The following SORCS1 variants were observed in gnomAD, a reference collection of about 807,000 sequenced individuals.
SORCS1 encodes sortilin related VPS10 domain containing receptor 1.
SORCS1 carries 60 observed loss-of-function variants against 146.1 expected under a neutral mutation model. The ratio of observed to expected loss-of-function variants is 0.41; its 90% CI spans 0.33 to 0.51. SORCS1 has a LOEUF of 0.51. Among genes scored for constraint, SORCS1 ranks in the 20% least tolerant of loss-of-function variants. The pLI is 0.21. For missense variants in SORCS1, 1,352 were observed against 1,487.6 expected (o/e 0.91, Z 1.50); for synonymous variants, 637 against 584.0 (o/e 1.09, Z -1.31).
chr10:106,821,350 T>C (rs1196449839), intron 3 of SORCS1, among the ~76,000 whole-genome samples: 2 of 152,240 alleles, frequency 1.3e-5, no homozygotes, highest in Non-Finnish European at 2.9e-5. Context: ...AAGAGATTTA[T>C]AGGTGGACCT....
At chr10:107,128,808 C>T (rs1966841074) in intron 1 of SORCS1, among the ~76,000 whole-genome samples, 1 of 152,128 alleles carries the variant, frequency 6.6e-6, no homozygotes, top group Non-Finnish European at 1.5e-5. Context: ...GGCATTTCTC[C>T]CCACTGCCCT....
intron 1 of SORCS1, among the ~76,000 whole-genome samples, chr10:106,993,560 T>C (rs12247285): frequency 0.049 from 7,390 of 152,222 alleles, 556 homozygotes; most frequent in African/African-American, 0.16. Context: ...ACTTATTTTC[T>C]TAAAGCTAAA....
chr10:107,024,782 T>C (rs763357615), intron 1 of SORCS1, among the ~76,000 whole-genome samples: 16 of 152,156 alleles, frequency 1.1e-4, no homozygotes, highest in Non-Finnish European at 2.1e-4. Flanking sequence ...TATCACTACA[T>C]TGGTAATTTT....
At chr10:106,730,500 C>G (rs1449490572) in intron 5 of SORCS1, among the ~76,000 whole-genome samples, 1 of 152,158 alleles carries the variant, frequency 6.6e-6, no homozygotes, top group Non-Finnish European at 1.5e-5. Context: ...ATTCCCATAG[C>G]ACACTGATCT....
rs115553401 is a variant in SORCS1, at chr10:107,078,150, T to C, written c.558+85819A>G. ...GTACAACATTAAATACTGTGTAAAA[T>C]ACTTTGGGACAGTGGGTCTATTTTC... On this transcript the variant is annotated intron_variant, in intron 1 of 25. Coordinates refer to ENST00000263054, the MANE Select transcript of SORCS1 (RefSeq NM_052918.5). Among the ~76,000 whole-genome samples the C allele has an allele frequency of 5.6e-3, 851 of 152,282 alleles. 4 individuals are homozygous for C. The highest frequency in any genetic ancestry group is 0.02 in the African/African-American group (818 of 41,564).
At chr10:106,898,034 G>A (rs1472684715) in intron 2 of SORCS1, among the ~76,000 whole-genome samples, 1 of 152,224 alleles carries the variant, frequency 6.6e-6, no homozygotes, top group Non-Finnish European at 1.5e-5. Context: ...AAAACAGCCA[G>A]AGTGGATTGT....
At chr10:107,088,012 G>A (rs560124908) in intron 1 of SORCS1, among the ~76,000 whole-genome samples, 2 of 152,236 alleles carry the variant, frequency 1.3e-5, no homozygotes, top group African/African-American at 2.4e-5. Flanking sequence ...TCCGCCTCCC[G>A]GGTTCACGCC....
At chr10:107,078,505 T>C (rs1466691994) in intron 1 of SORCS1, among the ~76,000 whole-genome samples, 1 of 152,210 alleles carries the variant, frequency 6.6e-6, no homozygotes. Flanking sequence ...CAGGCTGAAG[T>C]ATTCTCTGGT....
At chr10:106,609,546 G>A (rs1278350611) in intron 22 of SORCS1, among the ~76,000 whole-genome samples, 1 of 152,192 alleles carries the variant, frequency 6.6e-6, no homozygotes, top group Non-Finnish European at 1.5e-5. Flanking sequence ...TGATCTCAAA[G>A]TCAGTGCAAA....
intron 4 of SORCS1, among the ~76,000 whole-genome samples, chr10:106,772,495 C>T (rs1192237721): frequency 1.3e-5 from 2 of 151,426 alleles, no homozygotes; most frequent in Non-Finnish European, 2.9e-5. Context: ...TCTCTCCCCT[C>T]CTCTCTCTCT....
At position 107,134,911 on chromosome 10, in the gene SORCS1, G is replaced by C. The variant is rs143452416; in HGVS notation, c.558+29058C>G. ...TGTGATAAGAAACACACAAGGAAGAGATTTGGAAAGGAGAAAAAGGTGCTG... is the reference window on the plus strand; with the variant it reads ...TGTGATAAGAAACACACAAGGAAGACATTTGGAAAGGAGAAAAAGGTGCTG... On this transcript the variant is annotated intron_variant, in intron 1 of 25. Coordinates refer to ENST00000263054, the MANE Select transcript of SORCS1 (RefSeq NM_052918.5). Among the ~76,000 whole-genome samples, 20 of 152,332 alleles carry C rather than the reference G, an allele frequency of 1.3e-4. No homozygotes were observed. In the East Asian group the frequency reaches 1.7e-3, roughly 13 times the overall value.
At chr10:106,772,866 C>G (rs945598) in intron 4 of SORCS1, among the ~76,000 whole-genome samples, 5,300 of 152,132 alleles carry the variant, frequency 0.035, 201 homozygotes, top group East Asian at 0.11. Flanking sequence ...AGCTCATATA[C>G]GGTCTATCCT....
intron 4 of SORCS1, among the ~76,000 whole-genome samples, chr10:106,769,165 C>T (rs1394746414): frequency 6.6e-6 from 1 of 152,110 alleles, no homozygotes; most frequent in Non-Finnish European, 1.5e-5. Flanking sequence ...AAGTATTGCC[C>T]TTCTGTGAAG....
chr10:107,131,799 T>C (rs1011695855), intron 1 of SORCS1, among the ~76,000 whole-genome samples: 4 of 152,204 alleles, frequency 2.6e-5, no homozygotes, highest in African/African-American at 9.6e-5. Flanking sequence ...ATGAAAATCC[T>C]CTGTGACAAA....
chr10:106,611,095 A>G (rs1360155038), intron 22 of SORCS1, among the ~76,000 whole-genome samples: 1 of 152,152 alleles, frequency 6.6e-6, no homozygotes, highest in Non-Finnish European at 1.5e-5. Context: ...AGAAAAAAAA[A>G]AAGTAGAACA....
At chr10:107,169,379 TC>T (rs1404142917), upstream of SORCS1, among the ~76,000 whole-genome samples, 2 of 152,182 alleles carry the variant, frequency 1.3e-5, no homozygotes, top group Non-Finnish European at 2.9e-5. Flanking sequence ...TTAAAATCTG[TC>T]CCTTAAAATA....
At chr10:106,903,989 G>A (rs1951819034) in intron 2 of SORCS1, among the ~76,000 whole-genome samples, 2 of 152,260 alleles carry the variant, frequency 1.3e-5, no homozygotes, top group South Asian at 4.1e-4. Flanking sequence ...TTAGAATCCA[G>A]CAATCAGAAC....
chr10:106,935,495 A>C (rs1953667538), intron 2 of SORCS1, among the ~76,000 whole-genome samples: 1 of 152,198 alleles, frequency 6.6e-6, no homozygotes, highest in African/African-American at 2.4e-5. Context: ...GTTATAATGG[A>C]TACATTTTTT....
intron 18 of SORCS1, among the ~76,000 whole-genome samples, chr10:106,639,204 G>A (rs115915759): frequency 8.9e-4 from 135 of 152,306 alleles, no homozygotes; most frequent in African/African-American, 3.0e-3. Flanking sequence ...TCACTCAGGC[G>A]AGGATTGCAT....
Sources: allele counts gnomAD v4.1 joint callset (sites outside exome capture counted in the v4.1 genomes callset), GRCh38; gene constraint gnomAD v4.1.1; transcripts MANE v1.5; gene names NCBI Gene and HGNC (gene_info 2026-07-23, HGNC 2026-07-21).